Variants in TXNDC16 observed in about 807,000 individuals in gnomAD.
TXNDC16 encodes thioredoxin domain containing 16.
Under a neutral mutation model 85.6 loss-of-function variants are expected in TXNDC16, and 74 were observed. That is an observed-to-expected ratio of 0.86 (90% CI 0.72 to 1.05). The LOEUF (loss-of-function observed/expected upper bound fraction) is 1.05. Among genes scored for constraint, TXNDC16 ranks in the 50% least tolerant of loss-of-function variants. TXNDC16 has a pLI of 0.00. For missense variants in TXNDC16, 959 were observed against 947.0 expected (o/e 1.01, Z -0.17); for synonymous variants, 335 against 326.5 (o/e 1.03, Z -0.28).
intron 6 of TXNDC16, among the ~76,000 whole-genome samples, chr14:52,534,156 A>C (rs994222304): frequency 1.3e-5 from 2 of 152,112 alleles, no homozygotes; most frequent in African/African-American, 4.8e-5. Context: ...TTCAGTGGTT[A>C]CCCAAAAGCC....
At chr14:52,540,363 G>A (rs1358914835) in intron 4 of TXNDC16, among the ~76,000 whole-genome samples, 1 of 152,226 alleles carries the variant, frequency 6.6e-6, no homozygotes, top group Non-Finnish European at 1.5e-5. Context: ...GGTGGCTCAT[G>A]CCTGTAATCC....
intron 1 of TXNDC16, among the ~76,000 whole-genome samples, chr14:52,545,019 G>A (rs992455609): frequency 6.6e-6 from 1 of 151,968 alleles, no homozygotes; most frequent in Non-Finnish European, 1.5e-5. Context: ...TTCATATTCT[G>A]GAGAAAATGC....
intron 19 of TXNDC16, 50 bp downstream of exon 19, chr14:52,440,514 A>C (rs1330468867): frequency 8.4e-6 from 12 of 1,425,826 alleles, no homozygotes; most frequent in Non-Finnish European, 1.1e-5. Context: ...AAATGTAATA[A>C]TTATTACTTT....
At chr14:52,454,995 T>C (rs1028075372) in intron 18 of TXNDC16, among the ~76,000 whole-genome samples, 1 of 152,152 alleles carries the variant, frequency 6.6e-6, no homozygotes, top group Admixed American at 6.5e-5. Flanking sequence ...AGTTAACCTA[T>C]GTCAGTAAGA....
chr14:52,505,480 G>A (rs973163664), intron 9 of TXNDC16, among the ~76,000 whole-genome samples: 2 of 152,156 alleles, frequency 1.3e-5, no homozygotes, highest in African/African-American at 2.4e-5. Context: ...GGTACATAAC[G>A]AAATGAAGGC....
At chr14:52,509,944 G>A (rs1236917436) in intron 9 of TXNDC16, among the ~76,000 whole-genome samples, 2 of 150,776 alleles carry the variant, frequency 1.3e-5, no homozygotes, top group South Asian at 2.1e-4. Flanking sequence ...TCGCGCCACT[G>A]CACTCCAGCC....
chr14:52,441,060 T>C (rs1219150801), intron 18 of TXNDC16, among the ~76,000 whole-genome samples: 1 of 152,214 alleles, frequency 6.6e-6, no homozygotes, highest in African/African-American at 2.4e-5. Context: ...ATGACAATTG[T>C]TATATTTTTT....
chr14:52,525,966 T>C lies in TXNDC16; in HGVS notation c.393-6673A>G, dbSNP rs184091817. ...CATACCTAATACAATGTAAATGCTA[T>C]GTAGTTATATTATATTTAAAATTTT... On this transcript the variant is annotated intron_variant, in intron 6 of 20. Coordinates refer to ENST00000281741, the MANE Select transcript of TXNDC16 (RefSeq NM_020784.3). Among the ~76,000 whole-genome samples the C allele has an allele frequency of 3.0e-3, 457 of 152,064 alleles. 1 individual carries two copies. Among genetic ancestry groups the C allele is most frequent in the Non-Finnish European group, 4.0e-3 (273 of 67,968 alleles).
At chr14:52,511,730 T>C (rs2036960636) in intron 8 of TXNDC16, among the ~76,000 whole-genome samples, 2 of 152,140 alleles carry the variant, frequency 1.3e-5, no homozygotes, top group South Asian at 2.1e-4. Flanking sequence ...AATGAGATTA[T>C]CTTCAAATAC....
chr14:52,434,145 C>T (rs2034971279), intron 20 of TXNDC16, among the ~76,000 whole-genome samples: 2 of 152,240 alleles, frequency 1.3e-5, no homozygotes, highest in Non-Finnish European at 2.9e-5. Flanking sequence ...GCCGTGATTA[C>T]ACCACTGCAC....
intron 6 of TXNDC16, among the ~76,000 whole-genome samples, chr14:52,523,013 G>A (rs747312435): frequency 1.5e-4 from 23 of 152,268 alleles, no homozygotes; most frequent in Non-Finnish European, 2.4e-4. Context: ...CATTCATAAT[G>A]TAATGATCCC....
chr14:52,434,244 C>T (rs950006113), intron 20 of TXNDC16, among the ~76,000 whole-genome samples: 5 of 152,082 alleles, frequency 3.3e-5, no homozygotes, highest in African/African-American at 1.2e-4. Context: ...TTATATTTAA[C>T]AATAGTTATT....
At chr14:52,538,264 T>C (rs1435615641) in intron 4 of TXNDC16, among the ~76,000 whole-genome samples, 3 of 152,062 alleles carry the variant, frequency 2.0e-5, no homozygotes, top group Non-Finnish European at 2.9e-5. Context: ...ACAGATGGAG[T>C]ACCAACAGCA....
At chr14:52,481,000 T>TAA (rs2036138882) in intron 14 of TXNDC16, among the ~76,000 whole-genome samples, 1 of 128,292 alleles carries the variant, frequency 7.8e-6, no homozygotes, top group Non-Finnish European at 1.6e-5. Flanking sequence ...TATATATATA[T>TAA]AATGGAATAC....
Position 52,482,872 on chromosome 14 carries a change from A to T in TXNDC16, c.1202T>A (p.Phe401Tyr), listed in dbSNP as rs1386137899. Residue 401 changes from phenylalanine to tyrosine, a missense_variant, in exon 13 of 21, where the codon TTT (phenylalanine) becomes TAT (tyrosine). By Grantham distance (22) the Phe-to-Tyr change is conservative. Coordinates refer to ENST00000281741, the MANE Select transcript of TXNDC16 (RefSeq NM_020784.3). ...ELTVELTEET[F>Y]NATVMASDSI... is the part of the protein sequence containing the mutation. ...GTCAGAAGCCATCACTGTTGCATTA[A>T]ATGTTTCTTCTGTTAGTTCCACTGT... 1 of 1,612,400 alleles carries T rather than the reference A, an allele frequency of 6.2e-7. No homozygotes were observed. Among genetic ancestry groups the T allele is most frequent in the South Asian group, 1.1e-5 (1 of 90,980 alleles).
intron 20 of TXNDC16, among the ~76,000 whole-genome samples, chr14:52,436,308 A>C (rs2035025101): frequency 6.6e-6 from 1 of 152,236 alleles, no homozygotes. Context: ...AAGTGAAAGA[A>C]GTCAGACATA....
Position 52,431,823 on chromosome 14 carries a change from G to A in TXNDC16, c.*481C>T, listed in dbSNP as rs2034903923. ...CTGTCAGCTGCATGAATGCACTGTG[G>A]AGTTAACTGTGATTAGAGTTTAATT... On this transcript the variant is annotated 3_prime_UTR_variant, in exon 21 of 21. Transcript: ENST00000281741. 1.3e-5 allele frequency: 2 copies of A among 152,366 alleles called. No individual in the cohort carries two copies. 9.4% of individuals were successfully genotyped at this position (152,366 alleles called of 1,614,324 possible).
At chr14:52,495,333 CTGCT>C (rs2036506214) in intron 9 of TXNDC16, among the ~76,000 whole-genome samples, 1 of 152,146 alleles carries the variant, frequency 6.6e-6, no homozygotes, top group African/African-American at 2.4e-5. Flanking sequence ...TCTCCTCAGG[CTGCT>C]TAGTCTAACA....
chr14:52,490,347 T>C (rs900354289), intron 11 of TXNDC16, 44 bp downstream of exon 11: 2 of 1,394,972 alleles, frequency 1.4e-6, no homozygotes, highest in Non-Finnish European at 1.9e-6. Flanking sequence ...ATTAGCTTTC[T>C]TTAAATAAAC....
Sources: gnomAD v4.1 joint callset for allele counts (sites outside exome capture counted in the v4.1 genomes callset) on GRCh38, gnomAD v4.1.1 for gene constraint, MANE v1.5 for transcripts, NCBI Gene and HGNC (gene_info 2026-07-23, HGNC 2026-07-21) for gene names.